The following MTX2 variants were observed in gnomAD, a reference collection of about 807,000 sequenced individuals.
MTX2 encodes metaxin 2, also known as metaxin-2.
MTX2 carries 35 observed loss-of-function variants against 42.3 expected under a neutral mutation model. The observed-to-expected ratio is 0.83, with a 90% confidence interval of 0.63 to 1.10. MTX2 has a LOEUF of 1.10. Ranked by LOEUF, MTX2 falls within the 50% of genes least tolerant of loss-of-function variation. MTX2 has a pLI of 0.00. For synonymous variants in MTX2, 119 were observed against 100.9 expected, an observed-to-expected ratio of 1.18 and a Z score of -1.08; for missense variants, 307 against 304.1, an observed-to-expected ratio of 1.01 and a Z score of -0.07.
At chr2:176,270,688 G>A (rs756483818) in intron 1 of MTX2, among the ~76,000 whole-genome samples, 8 of 152,118 alleles carry the variant, frequency 5.3e-5, no homozygotes, top group Non-Finnish European at 1.2e-4. Flanking sequence ...ACTGCTTTGC[G>A]TTTGTGTGAA....
At chr2:176,305,863 T>G (rs1684130247) in intron 3 of MTX2, among the ~76,000 whole-genome samples, 1 of 152,136 alleles carries the variant, frequency 6.6e-6, no homozygotes, top group Admixed American at 6.6e-5. Context: ...TTCACTCTCT[T>G]TAAAGCTTTT....
chr2:176,296,706 T>C (rs1207050817), intron 1 of MTX2, among the ~76,000 whole-genome samples, 154 bp from the exon 2 acceptor site: 1 of 152,152 alleles, frequency 6.6e-6, no homozygotes, highest in Non-Finnish European at 1.5e-5. Context: ...CAGGTTACCA[T>C]AGAATCTAAG....
At chr2:176,287,140 A>T (rs1693224473) in intron 1 of MTX2, among the ~76,000 whole-genome samples, 1 of 152,170 alleles carries the variant, frequency 6.6e-6, no homozygotes, top group African/African-American at 2.4e-5. Context: ...ACATAAGGAG[A>T]TAGGCCACAT....
At chr2:176,282,126 G>GTTTTTTTGTTTTTTT (rs1693091383) in intron 1 of MTX2, among the ~76,000 whole-genome samples, 4 of 26,432 alleles carry the variant, frequency 1.5e-4, no homozygotes, top group Non-Finnish European at 2.0e-4. Flanking sequence ...AGTTACAGTA[G>GTTTTTTTGTTTTTTT]TTTTTTTTTT....
intron 1 of MTX2, among the ~76,000 whole-genome samples, chr2:176,272,242 G>C (rs1363239307): frequency 6.6e-6 from 1 of 152,142 alleles, no homozygotes; most frequent in Non-Finnish European, 1.5e-5. Context: ...ACCAGAGGCT[G>C]AGGGGGACAG....
chr2:176,323,535 A>G (rs1239740337), intron 4 of MTX2, 71 bp downstream of exon 4: 1 of 1,379,024 alleles, frequency 7.3e-7, no homozygotes, highest in Non-Finnish European at 1.0e-6. Context: ...TCCAGTTTGT[A>G]TCTACATGTT....
rs71004264 is a variant in MTX2 at position 176,282,126 on chromosome 2, GTTTTTTT to G, written c.40+12479_40+12485del. ...TGATATTATTTTTAGAGTTACAGTA[GTTTTTTT>G]TTTTTTTTTTTTTTTTTTTTTGCTG... On this transcript the variant is annotated intron_variant, in intron 1 of 9. Coordinates refer to ENST00000249442, the MANE Select transcript of MTX2 (RefSeq NM_006554.5). Among the ~76,000 whole-genome samples the G allele has an allele frequency of 1.4e-3, 37 of 26,426 alleles. No homozygotes were observed. In the East Asian group the frequency reaches 0.034, roughly 24 times the overall value. 17.3% of individuals were successfully genotyped at this position (26,426 alleles called of 152,430 possible).
At chr2:176,323,593 T>C in intron 4 of MTX2, 129 bp downstream of exon 4, 1 of 817,640 alleles carries the variant, frequency 1.2e-6, no homozygotes, top group Non-Finnish European at 1.9e-6. Flanking sequence ...CTTTCCATGG[T>C]TTTAGAAAGT....
intron 3 of MTX2, among the ~76,000 whole-genome samples, chr2:176,319,447 T>C (rs927658040): frequency 6.6e-6 from 1 of 151,758 alleles, no homozygotes; most frequent in Non-Finnish European, 1.5e-5. Context: ...CTTTGCTTTT[T>C]TTTTTTTTTT....
chr2:176,298,871 A>G (rs1328644597), intron 3 of MTX2, among the ~76,000 whole-genome samples: 5 of 152,160 alleles, frequency 3.3e-5, no homozygotes, highest in Non-Finnish European at 7.4e-5. Context: ...TAACCCTTTC[A>G]GGATCTGGCA....
intron 1 of MTX2, among the ~76,000 whole-genome samples, chr2:176,294,322 T>C (rs939565224): frequency 3.4e-5 from 5 of 149,194 alleles, no homozygotes; most frequent in Admixed American, 1.4e-4. Context: ...TCTCCCTCTG[T>C]CACCCAGGCT....
At chr2:176,276,852 A>G (rs932083030) in intron 1 of MTX2, among the ~76,000 whole-genome samples, 32 of 152,188 alleles carry the variant, frequency 2.1e-4, no homozygotes, top group African/African-American at 6.5e-4. Flanking sequence ...CACATCAGTT[A>G]GTTTCATCAT....
At chr2:176,278,047 T>TG (rs1692989895) in intron 1 of MTX2, among the ~76,000 whole-genome samples, 1 of 130,852 alleles carries the variant, frequency 7.6e-6, no homozygotes, top group Admixed American at 7.6e-5. Flanking sequence ...ACTGGTTTTT[T>TG]TTTTTTTTTT....
At chr2:176,329,696 C>T (rs773533959) in intron 8 of MTX2, among the ~76,000 whole-genome samples, 4 of 150,326 alleles carry the variant, frequency 2.7e-5, no homozygotes, top group Non-Finnish European at 1.5e-5. Context: ...ATTTGGAGAG[C>T]CTTCTTCTAG....
intron 1 of MTX2, among the ~76,000 whole-genome samples, chr2:176,282,711 T>G (rs976738186): frequency 7.7e-6 from 1 of 130,088 alleles, no homozygotes. Flanking sequence ...TTTTTTTTTG[T>G]TTTTTTTTTT....
chr2:176,328,185 G>A (rs1053123991), intron 5 of MTX2, 108 bp from the exon 6 acceptor site: 6 of 561,252 alleles, frequency 1.1e-5, no homozygotes, highest in African/African-American at 2.0e-5. Flanking sequence ...CATTTTGGAC[G>A]TTTAATTCAT....
At chr2:176,270,429 T>G (rs1298386879) in intron 1 of MTX2, 3 of 1,354,604 alleles carry the variant, frequency 2.2e-6, no homozygotes, top group Non-Finnish European at 3.0e-6. Flanking sequence ...GGTTTGTAAT[T>G]TCTCTTATTG....
At chr2:176,330,772 T>C (rs1684845297) in intron 9 of MTX2, 112 bp downstream of exon 9, 2 of 747,500 alleles carry the variant, frequency 2.7e-6, no homozygotes, top group South Asian at 4.1e-5. Context: ...TTTTATAATT[T>C]TTGTACTCAA....
chr2:176,297,827 A>C (rs1236515451), intron 2 of MTX2, 22 bp from the exon 3 acceptor site: 9 of 1,512,352 alleles, frequency 6.0e-6, no homozygotes, highest in Non-Finnish European at 8.1e-6. Flanking sequence ...GTTAACATTT[A>C]TGCTTCATTG....
Sources: gnomAD v4.1 joint callset for allele counts (sites outside exome capture counted in the v4.1 genomes callset) on GRCh38, gnomAD v4.1.1 for gene constraint, MANE v1.5 for transcripts, NCBI Gene and HGNC (gene_info 2026-07-23, HGNC 2026-07-21) for gene names.